KLHL2: variants seen among roughly 807,000 people sequenced by gnomAD.
The protein encoded by KLHL2 is kelch-like protein 2.
Under a neutral mutation model 75.8 loss-of-function variants are expected in KLHL2, and 15 were observed. That is an observed-to-expected ratio of 0.20 (90% confidence interval 0.13 to 0.30). The LOEUF (loss-of-function observed/expected upper bound fraction) is 0.30, where lower values mean the gene tolerates loss of function less well. Among genes scored for constraint, KLHL2 ranks in the 10% least tolerant of loss-of-function variants. The pLI is 1.00. For synonymous variants in KLHL2, 214 were observed against 251.9 expected, an observed-to-expected ratio of 0.85 and a Z score of 1.42; for missense variants, 381 against 741.0, an observed-to-expected ratio of 0.51 and a Z score of 5.64.
At chr4:165,249,098 G>A (rs1401490688) in intron 4 of KLHL2, among the ~76,000 whole-genome samples, 2 of 152,228 alleles carry the variant, frequency 1.3e-5, no homozygotes, top group East Asian at 1.9e-4. Flanking sequence ...GGCTCATGGT[G>A]CAATTCCTGG....
Position 165,264,765 on chromosome 4 carries a change from T to TATATATATATATAA in KLHL2, c.544+1407_544+1408insTATATATATATAAA, listed in dbSNP as rs1477707346. ...GTATATATATATATATATATATATA[T>TATATATATATATAA]AAAACATTATCCACTCATTGGCTGA... On this transcript the variant is annotated intron_variant, in intron 5 of 14. Coordinates refer to ENST00000226725, the MANE Select transcript of KLHL2 (RefSeq NM_007246.4). Among the ~76,000 whole-genome samples the TATATATATATATAA allele has an allele frequency of 1.1e-4, 10 of 94,150 alleles. 1 individual carries two copies. Among genetic ancestry groups the TATATATATATATAA allele is most frequent in the Non-Finnish European group, 1.6e-4 (8 of 50,330 alleles). 61.8% of individuals were successfully genotyped at this position (94,150 alleles called of 152,430 possible).
intron 4 of KLHL2, among the ~76,000 whole-genome samples, chr4:165,259,553 TCTC>T (rs563416286): frequency 2.6e-5 from 4 of 152,348 alleles, no homozygotes; most frequent in African/African-American, 7.2e-5. Flanking sequence ...TTACCCAACT[TCTC>T]CTACCCTCTG....
Position 165,310,840 on chromosome 4 carries a change from T to C in KLHL2, c.1237+90T>C, listed in dbSNP as rs528903773. On this transcript the variant is annotated intron_variant, in intron 10 of 14. Coordinates refer to ENST00000226725, the MANE Select transcript of KLHL2 (RefSeq NM_007246.4). ...TAAATTGTGGCAACATTAGGGCACATGTGAGGTTTTTTGTGTTTTTTTTTT... is the reference window on the plus strand; with the variant it reads ...TAAATTGTGGCAACATTAGGGCACACGTGAGGTTTTTTGTGTTTTTTTTTT... The C allele has an allele frequency of 1.5e-5, 15 of 1,012,796 alleles. No individual in the cohort carries two copies. The East Asian group carries it at 2.9e-4, about 19-fold the overall frequency. The allele number at this position is 1,012,796 out of a possible 1,614,324, so 62.7% of individuals were successfully genotyped here. A position where few individuals can be genotyped will look rare whatever the true frequency, so the allele number is the denominator to read the frequency against.
At chr4:165,318,117 G>A (rs2126589399) in intron 14 of KLHL2, 148 bp downstream of exon 14, 1 of 705,308 alleles carries the variant, frequency 1.4e-6, no homozygotes, top group Non-Finnish European at 2.3e-6. Context: ...CATTGGCTGT[G>A]TATATTCTGA....
At chr4:165,231,130 A>C (rs1438918568) in intron 3 of KLHL2, among the ~76,000 whole-genome samples, 1 of 152,266 alleles carries the variant, frequency 6.6e-6, no homozygotes. Flanking sequence ...TTACTAGTTT[A>C]TTGAGGCATA....
intron 9 of KLHL2, 28 bp from the exon 10 acceptor site, chr4:165,310,525 A>G: frequency 7.5e-6 from 12 of 1,600,096 alleles, no homozygotes; most frequent in Non-Finnish European, 7.7e-6. Context: ...TTGCATGTTG[A>G]TCATTAAATG....
At chr4:165,217,075 G>C (rs1560975290) in intron 1 of KLHL2, among the ~76,000 whole-genome samples, 1 of 152,020 alleles carries the variant, frequency 6.6e-6, no homozygotes, top group Non-Finnish European at 1.5e-5. Context: ...ATTCTTTCTG[G>C]GGCAGAGTTG....
chr4:165,288,117 G>A (rs1438168960), intron 5 of KLHL2, among the ~76,000 whole-genome samples: 1 of 152,024 alleles, frequency 6.6e-6, no homozygotes, highest in Non-Finnish European at 1.5e-5. Flanking sequence ...TTTACTTCTA[G>A]GAATTTTATA....
At chr4:165,234,924 A>G (rs1417302473) in intron 3 of KLHL2, among the ~76,000 whole-genome samples, 1 of 152,140 alleles carries the variant, frequency 6.6e-6, no homozygotes, top group Non-Finnish European at 1.5e-5. Context: ...ATTTGAGGCC[A>G]TGAGTTCAAG....
rs1746834279 is a variant in KLHL2 at position 165,319,793 on chromosome 4, T to A, written c.1753+1824T>A. Among the ~76,000 whole-genome samples the A allele has an allele frequency of 6.6e-6, 1 of 152,264 alleles. No homozygotes were observed. Among genetic ancestry groups the A allele is most frequent in the African/African-American group, 2.4e-5 (1 of 41,552 alleles). On this transcript the variant is annotated intron_variant, in intron 14 of 14. Coordinates refer to ENST00000226725, the MANE Select transcript of KLHL2 (RefSeq NM_007246.4). The surrounding 1 kb of genome is among the most constrained non-coding windows in gnomAD (Gnocchi z 4.5). Reference sequence around the variant, plus strand: ...TGTGCCACCACACCTGGCTAATTTTTAAATTTTTATTATTTTTATTATTTT... The same window carrying A: ...TGTGCCACCACACCTGGCTAATTTTAAAATTTTTATTATTTTTATTATTTT...
intron 5 of KLHL2, among the ~76,000 whole-genome samples, chr4:165,265,530 T>A (rs1038104600): frequency 1.3e-5 from 2 of 152,174 alleles, no homozygotes; most frequent in Non-Finnish European, 2.9e-5. Context: ...AAGTCTTTAA[T>A]CCATCTTGGG....
chr4:165,235,328 G>A (rs970313145), intron 3 of KLHL2, among the ~76,000 whole-genome samples: 1 of 152,130 alleles, frequency 6.6e-6, no homozygotes, highest in Non-Finnish European at 1.5e-5. Flanking sequence ...AGCCTCTCAC[G>A]TAGCTGGGAT....
intron 6 of KLHL2, among the ~76,000 whole-genome samples, 168 bp from the exon 7 acceptor site, chr4:165,297,441 A>G (rs1377711189): frequency 6.6e-6 from 1 of 152,132 alleles, no homozygotes; most frequent in Non-Finnish European, 1.5e-5. Context: ...AATGGGGTGA[A>G]TGGCTTTGTA....
intron 5 of KLHL2, among the ~76,000 whole-genome samples, chr4:165,268,518 G>A (rs1049046778): frequency 2.0e-5 from 3 of 152,096 alleles, no homozygotes; most frequent in Admixed American, 6.5e-5. Context: ...TTCTGTCTTC[G>A]TTTTCAGTGA....
chr4:165,235,420 T>C (rs1739258013), intron 3 of KLHL2, among the ~76,000 whole-genome samples: 1 of 152,182 alleles, frequency 6.6e-6, no homozygotes, highest in Non-Finnish European at 1.5e-5. Context: ...AGGCTGGTGT[T>C]GGACTCCTGA....
At chr4:165,318,489 A>C (rs998759781) in intron 14 of KLHL2, among the ~76,000 whole-genome samples, 5 of 152,186 alleles carry the variant, frequency 3.3e-5, no homozygotes, top group African/African-American at 7.2e-5. Context: ...TATTTCAATT[A>C]TATTTATCTT....
chr4:165,285,506 A>C (rs1277851754), intron 5 of KLHL2, among the ~76,000 whole-genome samples: 2 of 152,170 alleles, frequency 1.3e-5, no homozygotes, highest in Admixed American at 1.3e-4. Flanking sequence ...TCCTGGGTTC[A>C]AGCAATTCTC....
At chr4:165,296,062 A>T (rs1744883680) in intron 6 of KLHL2, among the ~76,000 whole-genome samples, 1 of 152,230 alleles carries the variant, frequency 6.6e-6, no homozygotes, top group African/African-American at 2.4e-5. Flanking sequence ...TATGGTCAGA[A>T]TTCATGCAGA....
intron 4 of KLHL2, among the ~76,000 whole-genome samples, chr4:165,245,162 C>T (rs1030212000): frequency 2.6e-5 from 4 of 152,028 alleles, no homozygotes; most frequent in African/African-American, 9.7e-5. Flanking sequence ...AAACGAAGAT[C>T]GCACCACTGC....
Sources: gnomAD v4.1 joint callset for allele counts (sites outside exome capture counted in the v4.1 genomes callset) on GRCh38, gnomAD v4.1.1 for gene constraint, Gnocchi (gnomAD v3.1) non-coding constraint, MANE v1.5 for transcripts, NCBI Gene and HGNC (gene_info 2026-07-23, HGNC 2026-07-21) for gene names.